The following EXOC6B variants were observed in gnomAD, a reference collection of about 807,000 sequenced individuals.
EXOC6B encodes SEC15 homolog B.
EXOC6B carries 54 observed loss-of-function variants against 113.5 expected under a neutral mutation model. The ratio of observed to expected loss-of-function variants is 0.48; its 90% CI spans 0.38 to 0.60. The LOEUF is 0.60. Ranked by LOEUF, EXOC6B falls within the 20% of genes least tolerant of loss-of-function variation. EXOC6B has a pLI of 0.00. For synonymous variants in EXOC6B, 357 were observed against 339.0 expected, an observed-to-expected ratio of 1.05 and a Z score of -0.58; for missense variants, 797 against 977.5, an observed-to-expected ratio of 0.82 and a Z score of 2.46.
chr2:72,446,093 CA>C (rs1425350407), intron 18 of EXOC6B, among the ~76,000 whole-genome samples: 1 of 152,094 alleles, frequency 6.6e-6, no homozygotes, highest in Non-Finnish European at 1.5e-5. Flanking sequence ...GGCAATTTCT[CA>C]AAAAGCCAAA....
intron 6 of EXOC6B, among the ~76,000 whole-genome samples, chr2:72,593,968 G>A (rs140732045): frequency 2.1e-4 from 32 of 152,130 alleles, no homozygotes; most frequent in African/African-American, 7.0e-4. Flanking sequence ...CAAACATTCT[G>A]GTTGTTGTTA....
chr2:72,754,079 G>A (rs1682237750), intron 1 of EXOC6B, among the ~76,000 whole-genome samples: 1 of 151,998 alleles, frequency 6.6e-6, no homozygotes, highest in South Asian at 2.1e-4. Context: ...TAGAGACAAG[G>A]TCTCACTATG....
At chr2:72,451,654 C>CTGTGTGTGTGTGTGTGTGTGTGTG (rs141514102) in intron 18 of EXOC6B, among the ~76,000 whole-genome samples, 4 of 142,494 alleles carry the variant, frequency 2.8e-5, no homozygotes, top group African/African-American at 1.0e-4. Flanking sequence ...GTCTTTGTGC[C>CTGTGTGTGTGTGTGTGTGTGTGTG]TGTGTGTGTG....
At chr2:72,686,909 C>T (rs1430299252) in intron 6 of EXOC6B, among the ~76,000 whole-genome samples, 17 of 152,080 alleles carry the variant, frequency 1.1e-4, no homozygotes, top group South Asian at 2.1e-4. Context: ...GAGGCCGAGG[C>T]AGGCAGATCA....
At chr2:72,812,324 A>C (rs1380691892) in intron 1 of EXOC6B, among the ~76,000 whole-genome samples, 1 of 152,264 alleles carries the variant, frequency 6.6e-6, no homozygotes, top group East Asian at 1.9e-4. Flanking sequence ...GATAAATCTA[A>C]CAAAATATGT....
At chr2:72,419,502 T>C (rs1010399311) in intron 18 of EXOC6B, among the ~76,000 whole-genome samples, 8 of 152,234 alleles carry the variant, frequency 5.3e-5, no homozygotes, top group Non-Finnish European at 8.8e-5. Context: ...GGTAATTAAG[T>C]CCCTCAGCTT....
At chr2:72,814,153 T>C (rs1686083644) in intron 1 of EXOC6B, among the ~76,000 whole-genome samples, 1 of 152,196 alleles carries the variant, frequency 6.6e-6, no homozygotes, top group Admixed American at 6.5e-5. Context: ...AAAGTCTGTG[T>C]TCCTCCACAG....
chr2:72,305,395 T>C (rs1284144975), intron 20 of EXOC6B, among the ~76,000 whole-genome samples: 1 of 152,136 alleles, frequency 6.6e-6, no homozygotes, highest in Admixed American at 6.6e-5. Flanking sequence ...AATGAGATTT[T>C]GGTCCTCACC....
At chr2:72,540,700 T>C (rs764400105) in intron 8 of EXOC6B, among the ~76,000 whole-genome samples, 1 of 152,194 alleles carries the variant, frequency 6.6e-6, no homozygotes, top group African/African-American at 2.4e-5. Flanking sequence ...AAGCAAACCA[T>C]GGCCCATGGA....
chr2:72,299,039 A>G (rs916352983), intron 20 of EXOC6B, among the ~76,000 whole-genome samples: 8 of 151,996 alleles, frequency 5.3e-5, no homozygotes, highest in African/African-American at 1.9e-4. Flanking sequence ...CTGCCTTGCT[A>G]GGTTGGGGAA....
intron 18 of EXOC6B, among the ~76,000 whole-genome samples, chr2:72,400,342 T>A (rs946975926): frequency 3.9e-5 from 6 of 152,046 alleles, no homozygotes; most frequent in African/African-American, 1.4e-4. Flanking sequence ...AAACAAATTG[T>A]AAGAAAAACT....
intron 20 of EXOC6B, among the ~76,000 whole-genome samples, chr2:72,220,354 T>C (rs187344312): frequency 4.1e-4 from 62 of 152,236 alleles, no homozygotes; most frequent in Admixed American, 1.6e-3. Context: ...CTCTAGAATC[T>C]GGCCAAGGCA....
chr2:72,257,370 C>G (rs1219973489), intron 20 of EXOC6B, among the ~76,000 whole-genome samples: 1 of 152,162 alleles, frequency 6.6e-6, no homozygotes, highest in Non-Finnish European at 1.5e-5. Flanking sequence ...TAACCTTTTT[C>G]TTCCCTGAAT....
At chr2:72,437,035 G>C (rs1254054890) in intron 18 of EXOC6B, among the ~76,000 whole-genome samples, 1 of 152,146 alleles carries the variant, frequency 6.6e-6, no homozygotes, top group Non-Finnish European at 1.5e-5. Context: ...CATCTCCGTG[G>C]ATTTATCTAT....
intron 11 of EXOC6B, among the ~76,000 whole-genome samples, chr2:72,505,557 T>TA (rs1323114952): frequency 6.6e-6 from 1 of 152,186 alleles, no homozygotes; most frequent in Admixed American, 6.5e-5. Flanking sequence ...AATTAGGTTG[T>TA]AAGGTACCCA....
chr2:72,761,522 T>C (rs1007495356), intron 1 of EXOC6B, among the ~76,000 whole-genome samples: 5 of 151,816 alleles, frequency 3.3e-5, no homozygotes, highest in Admixed American at 1.3e-4. Flanking sequence ...AGCAGCATCT[T>C]TTTTTTTAAT....
chr2:72,461,869 T>C (rs954579053), intron 18 of EXOC6B: 2 of 152,116 alleles, frequency 1.3e-5, no homozygotes, highest in Non-Finnish European at 2.9e-5. Context: ...CATTTTCTTA[T>C]TTCTGAGTAG....
intron 18 of EXOC6B, among the ~76,000 whole-genome samples, chr2:72,396,589 A>G (rs1692738005): frequency 6.6e-6 from 1 of 152,154 alleles, no homozygotes; most frequent in Non-Finnish European, 1.5e-5. Flanking sequence ...CCTACTTAGG[A>G]CTCAGAATAT....
chr2:72,438,600 GAC>G (rs1190836106), intron 18 of EXOC6B, among the ~76,000 whole-genome samples: 2 of 152,144 alleles, frequency 1.3e-5, no homozygotes, highest in African/African-American at 4.8e-5. Context: ...CAGACTGGGT[GAC>G]ACAGTGAGAA....
Sources: allele counts gnomAD v4.1 joint callset (sites outside exome capture counted in the v4.1 genomes callset), GRCh38; gene constraint gnomAD v4.1.1; transcripts MANE v1.5; gene names NCBI Gene and HGNC (gene_info 2026-07-23, HGNC 2026-07-21).